Variants in MCTP2 observed in about 807,000 individuals in gnomAD.
MCTP2 encodes multiple C2 and transmembrane domain-containing protein 2.
Under a neutral mutation model 111.6 loss-of-function variants are expected in MCTP2, and 132 were observed. That is an observed-to-expected ratio of 1.18 (90% confidence interval 1.03 to 1.37). The LOEUF is 1.37. Among genes scored for constraint, MCTP2 ranks in the 40% most tolerant of loss-of-function variants. The pLI, the probability that MCTP2 is intolerant of heterozygous loss-of-function variation, is 0.00. For missense variants in MCTP2, 1,183 were observed against 1,067.9 expected, an observed-to-expected ratio of 1.11 and a Z score of -1.50; for synonymous variants, 395 against 387.7, an observed-to-expected ratio of 1.02 and a Z score of -0.22.
intron 1 of MCTP2, among the ~76,000 whole-genome samples, chr15:94,294,639 T>A (rs2075175829): frequency 6.6e-6 from 1 of 152,210 alleles, no homozygotes; most frequent in Non-Finnish European, 1.5e-5. Context: ...ACTCCTTTTC[T>A]CATTTTCTTG....
intron 4 of MCTP2, among the ~76,000 whole-genome samples, chr15:94,336,580 G>T (rs573426286): frequency 6.6e-6 from 1 of 152,112 alleles, no homozygotes; most frequent in East Asian, 1.9e-4. Flanking sequence ...GTGTCAGTGG[G>T]CAGGAGTAGA....
At chr15:94,429,121 A>G (rs1400841416) in intron 17 of MCTP2, among the ~76,000 whole-genome samples, 1 of 144,172 alleles carries the variant, frequency 6.9e-6, no homozygotes, top group Non-Finnish European at 1.5e-5. Context: ...TACCCCCTCT[A>G]TATCTATCCC....
intron 20 of MCTP2, among the ~76,000 whole-genome samples, chr15:94,469,873 A>T (rs977524738): frequency 6.6e-6 from 1 of 151,048 alleles, no homozygotes; most frequent in African/African-American, 2.5e-5. Context: ...CTGTCTCAAA[A>T]AAGACAAAAA....
intron 9 of MCTP2, 23 bp downstream of exon 9, chr15:94,356,324 G>A (rs1334232733): frequency 1.3e-6 from 2 of 1,526,864 alleles, no homozygotes; most frequent in Non-Finnish European, 1.8e-6. Flanking sequence ...TTTTCCATAA[G>A]GAGAACAGTA....
chr15:94,399,142 T>G, intron 15 of MCTP2, 80 bp downstream of exon 15: 1 of 737,570 alleles, frequency 1.4e-6, no homozygotes, highest in Non-Finnish European at 2.4e-6. Context: ...CTCAAATCAA[T>G]GTAAGATGTT....
At chr15:94,458,656 C>G (rs1214400167) in intron 20 of MCTP2, among the ~76,000 whole-genome samples, 2 of 152,096 alleles carry the variant, frequency 1.3e-5, no homozygotes. Flanking sequence ...CTCTCCAATT[C>G]TCCAAAGAAA....
In MCTP2 at chr15:94,464,239, A is replaced by AATATATAT. The variant is rs1555481312; in HGVS notation, c.2360+6004_2360+6011dup. 2.0e-4 allele frequency among the ~76,000 whole-genome samples: 18 copies of AATATATAT among 89,362 alleles called. 2 individuals carry two copies. The highest frequency in any genetic ancestry group is 3.4e-4 in the Non-Finnish European group (15 of 43,610). The allele number at this position is 89,362 out of a possible 152,430, so 58.6% of individuals were successfully genotyped here. A position where few individuals can be genotyped will look rare whatever the true frequency, so the allele number is the denominator to read the frequency against. ...TGAAATATTATATGTTTATATATAT[A>AATATATAT]ATATATATATATATATATTATATAT... On this transcript the variant is annotated intron_variant, in intron 20 of 22. Transcript: ENST00000357742.
intron 17 of MCTP2, among the ~76,000 whole-genome samples, chr15:94,433,487 T>C (rs749007339): frequency 1.3e-5 from 2 of 152,184 alleles, no homozygotes; most frequent in Non-Finnish European, 2.9e-5. Flanking sequence ...TGTTTCTGAG[T>C]ATTGTTCTAC....
chr15:94,470,241 T>G, intron 20 of MCTP2, 92 bp from the exon 21 acceptor site: 1 of 1,001,780 alleles, frequency 1.0e-6, no homozygotes, highest in South Asian at 1.5e-5. Flanking sequence ...AAAAAATTTC[T>G]ATAATTATGA....
intron 12 of MCTP2, among the ~76,000 whole-genome samples, chr15:94,383,736 A>G (rs902049172): frequency 3.9e-5 from 6 of 152,162 alleles, no homozygotes; most frequent in African/African-American, 7.2e-5. Context: ...CCCACGACAC[A>G]TGGGAATTAT....
chr15:94,423,710 A>G (rs1596660823), intron 17 of MCTP2, among the ~76,000 whole-genome samples: 1 of 152,184 alleles, frequency 6.6e-6, no homozygotes, highest in African/African-American at 2.4e-5. Context: ...GGCGGCTGCC[A>G]ATGGTAGTGG....
intron 1 of MCTP2, among the ~76,000 whole-genome samples, chr15:94,235,626 G>C (rs73460082): frequency 6.6e-6 from 1 of 152,290 alleles, no homozygotes; most frequent in African/African-American, 2.4e-5. Flanking sequence ...GTTGTGCCAG[G>C]CATTTTGCTA....
intron 1 of MCTP2, among the ~76,000 whole-genome samples, chr15:94,288,589 T>C (rs1418626819): frequency 6.6e-6 from 1 of 152,238 alleles, no homozygotes; most frequent in East Asian, 1.9e-4. Context: ...TCAGCATCTT[T>C]GTAGACTTAA....
chr15:94,326,602 C>T (rs1020017326), intron 4 of MCTP2, among the ~76,000 whole-genome samples: 2 of 151,494 alleles, frequency 1.3e-5, no homozygotes, highest in African/African-American at 4.9e-5. Flanking sequence ...GAGTCTCGCT[C>T]TGTCACCCAG....
intron 1 of MCTP2, chr15:94,273,975 G>A (rs868148611): frequency 3.1e-4 from 70 of 228,428 alleles, no homozygotes; most frequent in African/African-American, 1.6e-3. Flanking sequence ...GCAAATATAA[G>A]GAAGAACTTA....
intron 17 of MCTP2, among the ~76,000 whole-genome samples, chr15:94,413,569 A>AGTGTGT (rs34860214): frequency 0.038 from 5,630 of 149,280 alleles, 138 homozygotes; most frequent in African/African-American, 0.07. Flanking sequence ...CATGACGCTG[A>AGTGTGT]GTGTGTGTGT....
At chr15:94,277,891 T>C (rs970487124) in intron 1 of MCTP2, among the ~76,000 whole-genome samples, 3 of 152,110 alleles carry the variant, frequency 2.0e-5, no homozygotes, top group African/African-American at 7.2e-5. Context: ...ATCACACTAA[T>C]ACAAGATGTA....
At chr15:94,369,505 G>T (rs183924013) in intron 11 of MCTP2, among the ~76,000 whole-genome samples, 9 of 152,140 alleles carry the variant, frequency 5.9e-5, no homozygotes, top group Non-Finnish European at 1.3e-4. Context: ...TCAGACTTTG[G>T]CTGGTACAAA....
chr15:94,301,556 G>A (rs74028504), intron 2 of MCTP2, among the ~76,000 whole-genome samples: 2,688 of 152,308 alleles, frequency 0.018, 73 homozygotes, highest in African/African-American at 0.061. Context: ...TTTTCTAAGC[G>A]TCTAGCTTCA....
Sources: gnomAD v4.1 joint callset for allele counts (sites outside exome capture counted in the v4.1 genomes callset) on GRCh38, gnomAD v4.1.1 for gene constraint, MANE v1.5 for transcripts, NCBI Gene and HGNC (gene_info 2026-07-23, HGNC 2026-07-21) for gene names.